The following THNSL1 variants were observed in gnomAD, a reference collection of about 807,000 sequenced individuals.
THNSL1 encodes threonine synthase like 1, also known as threonine synthase-like 1.
THNSL1 carries 48 observed loss-of-function variants against 50.4 expected under a neutral mutation model. The ratio of observed to expected loss-of-function variants is 0.95; its 90% CI spans 0.76 to 1.21. The LOEUF (loss-of-function observed/expected upper bound fraction) is 1.21. THNSL1 is among the 50% of genes most tolerant of loss of function. THNSL1 has a pLI of 0.00. For synonymous variants in THNSL1, 309 were observed against 306.1 expected, an observed-to-expected ratio of 1.01 and a Z score of -0.10; for missense variants, 896 against 871.7, an observed-to-expected ratio of 1.03 and a Z score of -0.35.
At chr10:25,014,475 T>C (rs550400752), upstream of THNSL1, among the ~76,000 whole-genome samples, 101 of 152,264 alleles carry the variant, frequency 6.6e-4, 1 homozygote, top group South Asian at 0.02. Context: ...AGGGGCTCCA[T>C]TAATGCTTGC....
the THNSL1 span, among the ~76,000 whole-genome samples, chr10:24,973,276 G>A: frequency 5.3e-5 from 8 of 151,912 alleles, no homozygotes; most frequent in Admixed American, 3.3e-4. Flanking sequence ...CCCAAGCACT[G>A]TGATACCATA....
At chr10:24,956,466 T>TA in the THNSL1 span, among the ~76,000 whole-genome samples, 1 of 122,520 alleles carries the variant, frequency 8.2e-6, no homozygotes, top group East Asian at 2.1e-4. Flanking sequence ...ATTTTATTTA[T>TA]TTTTTTTTTT....
chr10:25,023,578 G>A lies in THNSL1; in HGVS notation c.355G>A (p.Val119Met). Residue 119 changes from valine (V) to methionine (M), a missense_variant, in exon 3 of 3, where the codon GTG becomes ATG. Coordinates refer to ENST00000376356, the MANE Select transcript of THNSL1 (RefSeq NM_024838.5). ...EQFLEEEGKA[V>M]LNFSASGSVI... ...ATTTTTAGAAGAGGAAGGAAAAGCT[G>A]TGTTAAACTTCTCTGCATCTGGAAG... is the stretch of plus-strand genomic sequence containing the variant. 1 of 1,614,126 alleles carries A rather than the reference G, an allele frequency of 6.2e-7. No individual in the cohort carries two copies. Among genetic ancestry groups the A allele is most frequent in the Non-Finnish European group, 8.5e-7 (1 of 1,180,000 alleles).
the THNSL1 span, among the ~76,000 whole-genome samples, chr10:24,958,636 A>T: frequency 6.6e-6 from 1 of 152,112 alleles, no homozygotes; most frequent in South Asian, 2.1e-4. Context: ...AAAGAAAATA[A>T]TATCTCCAGA....
At chr10:25,013,058 A>C (rs2132724334), upstream of THNSL1, among the ~76,000 whole-genome samples, 1 of 152,218 alleles carries the variant, frequency 6.6e-6, no homozygotes, top group South Asian at 2.1e-4. Context: ...TGGTTTTATA[A>C]AGGGGAGTTC....
upstream of THNSL1, among the ~76,000 whole-genome samples, chr10:25,013,738 G>A (rs1454404022): frequency 6.6e-6 from 1 of 152,060 alleles, no homozygotes; most frequent in Non-Finnish European, 1.5e-5. Context: ...AGGTCAGGAG[G>A]TCAAGACCAG....
In THNSL1 at chr10:25,025,278, T is replaced by A; in HGVS notation, c.2055T>A (p.Asn685Lys). The A allele has an allele frequency of 6.2e-7, 1 of 1,614,142 alleles. No individual in the cohort carries two copies. Residue 685 changes from asparagine to lysine, a missense_variant, in exon 3 of 3, where the codon AAT (asparagine) becomes AAA (lysine). By Grantham distance (94) the Asn-to-Lys change is moderately conservative (BLOSUM62 0). Transcript: ENST00000376356. ...AGGCTTTAAAGATTAAAGAAATCAA[T>A]GAGACTTCATCAAGTCAGCTCTATT... is the stretch of plus-strand genomic sequence containing the variant. The part of the protein sequence containing the change: ...IMQALKIKEI[N>K]ETSSSQLYLL...
chr10:24,958,635 A>T, the THNSL1 span, among the ~76,000 whole-genome samples: 18 of 152,234 alleles, frequency 1.2e-4, no homozygotes, highest in Non-Finnish European at 2.5e-4. Context: ...TAAAGAAAAT[A>T]ATATCTCCAG....
chr10:24,959,567 T>G, the THNSL1 span, among the ~76,000 whole-genome samples: 8 of 152,356 alleles, frequency 5.3e-5, no homozygotes, highest in Non-Finnish European at 8.8e-5. Context: ...GTAAGCAAAG[T>G]TAAGCCAACT....
chr10:24,958,478 T>C, the THNSL1 span, among the ~76,000 whole-genome samples: 10 of 152,360 alleles, frequency 6.6e-5, no homozygotes, highest in East Asian at 1.9e-3. Context: ...TTTTTCCCTC[T>C]ACATAAATAC....
chr10:24,980,663 A>AT, the THNSL1 span, among the ~76,000 whole-genome samples: 4 of 151,798 alleles, frequency 2.6e-5, no homozygotes, highest in Non-Finnish European at 5.9e-5. Context: ...GATAAAATAA[A>AT]TTTTTTTTCT....
chr10:24,959,458 C>T, the THNSL1 span, among the ~76,000 whole-genome samples: 1 of 152,178 alleles, frequency 6.6e-6, no homozygotes, highest in South Asian at 2.1e-4. Context: ...AAATTGGACA[C>T]TGATCTACAT....
the THNSL1 span, among the ~76,000 whole-genome samples, chr10:24,968,953 G>C: frequency 6.6e-6 from 1 of 152,180 alleles, no homozygotes. Context: ...GAGTCCACTG[G>C]TGTGACCTCT....
At chr10:24,970,757 C>T in the THNSL1 span, among the ~76,000 whole-genome samples, 1 of 150,528 alleles carries the variant, frequency 6.6e-6, no homozygotes, top group Non-Finnish European at 1.5e-5. Context: ...GGCACGATGG[C>T]TCACGCCCGT....
At chr10:24,994,455 A>T in the THNSL1 span, among the ~76,000 whole-genome samples, 1 of 149,470 alleles carries the variant, frequency 6.7e-6, no homozygotes, top group African/African-American at 2.5e-5. Flanking sequence ...TGCCTTAGCC[A>T]CCCGAGTAGC....
the THNSL1 span, among the ~76,000 whole-genome samples, chr10:25,008,667 G>T: frequency 1.3e-5 from 2 of 152,220 alleles, no homozygotes; most frequent in Non-Finnish European, 2.9e-5. Flanking sequence ...TGGTGGGACT[G>T]TCAACTAGTT....
the THNSL1 span, among the ~76,000 whole-genome samples, chr10:24,989,048 T>C: frequency 1.3e-5 from 2 of 152,042 alleles, no homozygotes; most frequent in Non-Finnish European, 2.9e-5. Flanking sequence ...GCTTATCTCC[T>C]ACAGCCAAAA....
At chr10:25,005,309 A>G in the THNSL1 span, among the ~76,000 whole-genome samples, 2 of 152,212 alleles carry the variant, frequency 1.3e-5, no homozygotes, top group Non-Finnish European at 1.5e-5. Flanking sequence ...ACTATATTTT[A>G]CCATACAGTT....
Position 25,025,547 on chromosome 10 carries a change from A to G in THNSL1, c.*92A>G. 1 of 1,239,988 alleles carries G rather than the reference A, an allele frequency of 8.1e-7. No individual in the cohort carries two copies. The highest frequency in any genetic ancestry group is 1.1e-6 in the Non-Finnish European group (1 of 893,680). The allele number at this position is 1,239,988 out of a possible 1,614,324, so 76.8% of individuals were successfully genotyped here. A position where few individuals can be genotyped will look rare whatever the true frequency, so the allele number is the denominator to read the frequency against. ...GGAGTACAGTAGCATTTTGTCTTTTATGTAAATATCTCTATATCTGTTTGG... is the reference window on the plus strand; with the variant it reads ...GGAGTACAGTAGCATTTTGTCTTTTGTGTAAATATCTCTATATCTGTTTGG... On this transcript the variant is annotated 3_prime_UTR_variant, in exon 3 of 3. Transcript: ENST00000376356.
Sources: gnomAD v4.1 joint callset for allele counts (sites outside exome capture counted in the v4.1 genomes callset) on GRCh38, gnomAD v4.1.1 for gene constraint, MANE v1.5 for transcripts, NCBI Gene and HGNC (gene_info 2026-07-23, HGNC 2026-07-21) for gene names.